CXCL14: variants seen among roughly 807,000 people sequenced by gnomAD.
The protein encoded by CXCL14 is C-X-C motif chemokine 14.
Under a neutral mutation model 16.1 loss-of-function variants are expected in CXCL14, and 9 were observed. The observed-to-expected ratio is 0.56, with a 90% confidence interval of 0.34 to 0.97. The LOEUF (loss-of-function observed/expected upper bound fraction) is 0.97, where lower values mean the gene tolerates loss of function less well. CXCL14 is among the 50% of genes least tolerant of loss of function. The pLI is 0.02. For synonymous variants in CXCL14, 55 were observed against 52.8 expected, an observed-to-expected ratio of 1.04 and a Z score of -0.18; for missense variants, 111 against 132.5, an observed-to-expected ratio of 0.84 and a Z score of 0.80.
intron 2 of CXCL14, among the ~76,000 whole-genome samples, chr5:135,575,716 C>T (rs1474017203): frequency 5.3e-5 from 8 of 152,178 alleles, no homozygotes; most frequent in Admixed American, 5.2e-4. Context: ...CTCTAGGCCA[C>T]AGGCATGACA....
At chr5:135,576,076 G>A (rs544852207) in intron 2 of CXCL14, among the ~76,000 whole-genome samples, 4 of 152,228 alleles carry the variant, frequency 2.6e-5, no homozygotes, top group Non-Finnish European at 4.4e-5. Flanking sequence ...TAGGCAACCT[G>A]TTCTCTTCCC....
chr5:135,576,358 C>T (rs1375468813), intron 2 of CXCL14, among the ~76,000 whole-genome samples: 1 of 152,192 alleles, frequency 6.6e-6, no homozygotes, highest in African/African-American at 2.4e-5. Context: ...AAGGAAAGGA[C>T]GTGGTAATGC....
rs1346404814 is a variant in CXCL14, at chr5:135,578,445, C to T, written c.159G>A (p.Glu53=). 9 of 1,614,030 alleles carry T rather than the reference C, an allele frequency of 5.6e-6. No homozygotes were observed. The highest frequency in any genetic ancestry group is 2.2e-5 in the South Asian group (2 of 91,078). ...EMKPKYPHCE[E]KMVIITTKSV... is the part of the protein sequence containing the mutation. ...GAGCGAGAACTCACATAACCATCTT[C>T]TCCTCGCAGTGCGGGTACTTTGGCT... The change falls in exon 2 of 4, where the codon GAG becomes GAA. Residue 53 remains glutamate (E), a synonymous_variant. Transcript: ENST00000512158.
At chr5:135,573,780 ACT>A (rs958953981) in intron 3 of CXCL14, among the ~76,000 whole-genome samples, 7 of 151,592 alleles carry the variant, frequency 4.6e-5, no homozygotes, top group African/African-American at 1.7e-4. Flanking sequence ...GTGTAAACAG[ACT>A]CTGCGTATCT....
chr5:135,578,678 A>T, intron 1 of CXCL14, 37 bp downstream of exon 1: 2 of 1,558,198 alleles, frequency 1.3e-6, no homozygotes, highest in Non-Finnish European at 1.7e-6. Flanking sequence ...GGACAGGACA[A>T]GACGAGACGG....
chr5:135,578,723 C>T lies in CXCL14; in HGVS notation c.56G>A (p.Arg19His), dbSNP rs1340060661. The change falls in exon 1 of 4, where the codon CGT becomes CAT. Residue 19 changes from arginine to histidine, a missense_variant. Physicochemically the swap from Arg to His is conservative, Grantham distance 29. Coordinates refer to ENST00000512158, the MANE Select transcript of CXCL14 (RefSeq NM_004887.5). ...LLLLLALYTARVDGSKCKCSR... is the reference protein window; with the variant it reads ...LLLLLALYTAHVDGSKCKCSR... ...GAGCTCCCCGCACTCACCGTCCACA[C>T]GCGCGGTGTACAGCGCCAGCAGCAG... is the stretch of plus-strand genomic sequence containing the variant. 2 of 1,550,734 alleles carry T rather than the reference C, an allele frequency of 1.3e-6. No individual in the cohort carries two copies. The highest frequency in any genetic ancestry group is 2.4e-5 in the South Asian group (2 of 84,130).
At chr5:135,576,326 A>G (rs1010785150) in intron 2 of CXCL14, among the ~76,000 whole-genome samples, 10 of 152,200 alleles carry the variant, frequency 6.6e-5, no homozygotes, top group Admixed American at 3.3e-4. Context: ...CTTTCTGCCT[A>G]CAAGGCTGCT....
In CXCL14 at chr5:135,578,684, G is replaced by A. The variant is rs749556019; in HGVS notation, c.64+31C>T. Reference sequence around the variant, plus strand: ...GGTTCCCCAGGACAGGACAAGACGAGACGGCGACAAGGGGAGCTCCCCGCA... The same window carrying A: ...GGTTCCCCAGGACAGGACAAGACGAAACGGCGACAAGGGGAGCTCCCCGCA... On this transcript the variant is annotated intron_variant, in intron 1 of 3. Transcript: ENST00000512158. 9 of 1,555,898 alleles carry A rather than the reference G, an allele frequency of 5.8e-6. No individual in the cohort carries two copies. The South Asian group carries it at 1.1e-4, about 18-fold the overall frequency.
intron 3 of CXCL14, 65 bp downstream of exon 3, chr5:135,574,507 C>T: frequency 7.4e-7 from 1 of 1,349,386 alleles, no homozygotes; most frequent in Non-Finnish European, 1.0e-6. Flanking sequence ...TGGGGGGGTC[C>T]CTTCCCATCC....
In CXCL14 at chr5:135,573,112, G is replaced by A. The variant is rs1056468565; in HGVS notation, c.285-1244C>T. On this transcript the variant is annotated intron_variant, in intron 3 of 3. Coordinates refer to ENST00000512158, the MANE Select transcript of CXCL14 (RefSeq NM_004887.5). Reference sequence around the variant, plus strand: ...TCCAGGCTGCAGCTCAGGTGGAGGGGAGAAGCAAGGTGAGCTAAAGGTTTG... The same window carrying A: ...TCCAGGCTGCAGCTCAGGTGGAGGGAAGAAGCAAGGTGAGCTAAAGGTTTG... Among the ~76,000 whole-genome samples, 19 of 152,276 alleles carry A rather than the reference G, an allele frequency of 1.2e-4. 1 individual carries two copies. Among genetic ancestry groups the A allele is most frequent in the Admixed American group, 5.9e-4 (9 of 15,306 alleles).
Position 135,571,935 on chromosome 5 carries a change from T to C in CXCL14, c.285-67A>G, listed in dbSNP as rs1267004995. The stretch of plus-strand genomic sequence containing the variant: ...GGCAGGCCGTTCACAAGATGCTGGC[T>C]AAGCGGCTTCATTCACGTCTGGTCT... On this transcript the variant is annotated intron_variant, in intron 3 of 3. Coordinates refer to ENST00000512158, the MANE Select transcript of CXCL14 (RefSeq NM_004887.5). 2.6e-6 allele frequency: 4 copies of C among 1,548,378 alleles called. No homozygotes were observed. The African/African-American group carries it at 5.4e-5, about 21-fold the overall frequency.
Position 135,571,277 on chromosome 5 carries a change from T to G in CXCL14, c.*576A>C, listed in dbSNP as rs1751021901. On this transcript the variant is annotated 3_prime_UTR_variant, in exon 4 of 4. Transcript: ENST00000512158. ...AGCACATTTTTCTGGCAACCAAACT[T>G]GAGTTCCTCAGAGAACAGATGCAGA... The G allele has an allele frequency of 6.6e-6, 1 of 152,306 alleles. No homozygotes were observed. Among genetic ancestry groups the G allele is most frequent in the African/African-American group, 2.4e-5 (1 of 41,456 alleles). The allele number at this position is 152,306 out of a possible 1,614,324, so 9.4% of individuals were successfully genotyped here.
Position 135,574,575 on chromosome 5 carries a change from C to T in CXCL14, c.281G>A (p.Arg94His), listed in dbSNP as rs200916552. The T allele has an allele frequency of 3.1e-4, 492 of 1,611,512 alleles. 1 individual carries two copies. The highest frequency in any genetic ancestry group is 3.8e-4 in the Non-Finnish European group (444 of 1,179,254). ...GGTGAGTAGAGGCGGGGCGTACCTG[C>T]GCTTCTCGTTCCAGGCGTTGTACCA... The part of the protein sequence containing the change: ...IKWYNAWNEK[R>H]RVYEE Residue 94 changes from arginine (R) to histidine (H), a missense_variant, in exon 3 of 4, where the codon CGC becomes CAC. Transcript: ENST00000512158.
chr5:135,577,401 G>A (rs1408456234), intron 2 of CXCL14, among the ~76,000 whole-genome samples: 4 of 152,250 alleles, frequency 2.6e-5, no homozygotes, highest in Non-Finnish European at 5.9e-5. Context: ...AGGTGTCTGT[G>A]AAGGAAGGCA....
At chr5:135,574,924 C>T (rs576585928) in intron 2 of CXCL14, among the ~76,000 whole-genome samples, 1 of 152,282 alleles carries the variant, frequency 6.6e-6, no homozygotes, top group African/African-American at 2.4e-5. Flanking sequence ...GAGCAGCCCT[C>T]ACTTTTCCCC....
chr5:135,572,820 G>A (rs1032858465), intron 3 of CXCL14, among the ~76,000 whole-genome samples: 1 of 152,268 alleles, frequency 6.6e-6, no homozygotes. Context: ...CCTAGCTTTG[G>A]CATTCTCTTT....
rs3057739 is a variant in CXCL14, at chr5:135,573,709, C to CGTGTGT, written c.284+857_284+862dup. ...CACCTGCATGGTGTGTGCATGCATG[C>CGTGTGT]GTGTGTGTGTGTGTGTGTGTGTGTG... On this transcript the variant is annotated intron_variant, in intron 3 of 3. Coordinates refer to ENST00000512158, the MANE Select transcript of CXCL14 (RefSeq NM_004887.5). Among the ~76,000 whole-genome samples the CGTGTGT allele has an allele frequency of 4.0e-3, 589 of 145,510 alleles. 4 individuals carry two copies. Among genetic ancestry groups the CGTGTGT allele is most frequent in the South Asian group, 0.013 (58 of 4,508 alleles).
At chr5:135,576,359 G>A (rs1436534443) in intron 2 of CXCL14, among the ~76,000 whole-genome samples, 6 of 152,212 alleles carry the variant, frequency 3.9e-5, no homozygotes, top group South Asian at 2.1e-4. Context: ...AGGAAAGGAC[G>A]TGGTAATGCC....
intron 2 of CXCL14, among the ~76,000 whole-genome samples, chr5:135,576,206 C>T (rs929961556): frequency 3.9e-5 from 6 of 152,160 alleles, no homozygotes; most frequent in Non-Finnish European, 7.4e-5. Context: ...TCTGTGACTC[C>T]GGGTCATTCC....
Sources: gnomAD v4.1 joint callset for allele counts (sites outside exome capture counted in the v4.1 genomes callset) on GRCh38, gnomAD v4.1.1 for gene constraint, MANE v1.5 for transcripts, NCBI Gene and HGNC (gene_info 2026-07-23, HGNC 2026-07-21) for gene names.